Variants in ADGRF5 observed in about 807,000 individuals in gnomAD.
The protein encoded by ADGRF5 is G-protein coupled receptor 116.
In ADGRF5, 75 loss-of-function variants were observed where a neutral mutation model predicts 132.3. The observed-to-expected ratio is 0.57, with a 90% CI of 0.47 to 0.69. The LOEUF is 0.69. Ranked by LOEUF, ADGRF5 falls within the 30% of genes least tolerant of loss-of-function variation. The pLI, the probability that ADGRF5 is intolerant of heterozygous loss-of-function variation, is 0.00. For missense variants in ADGRF5, 1,516 were observed against 1,630.6 expected (o/e 0.93, Z 1.21); for synonymous variants, 629 against 597.6 (o/e 1.05, Z -0.77).
At chr6:46,945,612 T>C (rs1778273935) in intron 1 of ADGRF5, among the ~76,000 whole-genome samples, 1 of 152,230 alleles carries the variant, frequency 6.6e-6, no homozygotes, top group Admixed American at 6.5e-5. Flanking sequence ...GCAAAGCACT[T>C]AGCAGGGAGA....
At position 46,946,578 on chromosome 6, in the gene ADGRF5, T is replaced by C. The variant is rs1659055647; in HGVS notation, c.-25+8156A>G. On this transcript the variant is annotated intron_variant, in intron 1 of 20. Transcript: ENST00000265417. Reference sequence around the variant, plus strand: ...TGAGAAGGATCTAAGCATAATTAAATGCTAACAGGAAAGGGCCAATAAGAG... The same window carrying C: ...TGAGAAGGATCTAAGCATAATTAAACGCTAACAGGAAAGGGCCAATAAGAG... Among the ~76,000 whole-genome samples, 10 of 152,238 alleles carry C rather than the reference T, an allele frequency of 6.6e-5. No individual in the cohort carries two copies. In the South Asian group the frequency reaches 2.1e-3, roughly 32 times the overall value.
chr6:46,934,631 T>C (rs1003556301), intron 1 of ADGRF5, among the ~76,000 whole-genome samples: 4 of 152,196 alleles, frequency 2.6e-5, no homozygotes, highest in African/African-American at 7.2e-5. Context: ...ACAAACACCA[T>C]GCTAACATTG....
intron 1 of ADGRF5, among the ~76,000 whole-genome samples, chr6:46,921,414 G>C (rs754712344): frequency 4.5e-5 from 6 of 132,708 alleles, no homozygotes; most frequent in South Asian, 4.7e-4. Context: ...TTAAGGACGA[G>C]AGAACTTGTT....
In ADGRF5 at chr6:46,852,669, C is replaced by A. The variant is rs1476131040; in HGVS notation, c.*1323G>T. On this transcript the variant is annotated 3_prime_UTR_variant, in exon 21 of 21. Transcript: ENST00000283296. ...AGCACACATGCAGATAATTCACAAA[C>A]AATCAAATCCTTGGGAAAGGCTCTG... 2.6e-5 allele frequency: 4 copies of A among 152,096 alleles called. No homozygotes were observed. Among genetic ancestry groups the A allele is most frequent in the African/African-American group, 7.2e-5 (3 of 41,394 alleles). The allele number at this position is 152,096 out of a possible 1,614,324, so 9.4% of individuals were successfully genotyped here. A position where few individuals can be genotyped will look rare whatever the true frequency, so the allele number is the denominator to read the frequency against.
At chr6:46,941,466 GAAAGA>G (rs138829946) in intron 1 of ADGRF5, among the ~76,000 whole-genome samples, 9 of 28,046 alleles carry the variant, frequency 3.2e-4, no homozygotes, top group South Asian at 9.9e-4. Context: ...GAAAAGAAAA[GAAAGA>G]AAAGAAAAGA....
chr6:46,931,926 T>A (rs1777574543), intron 1 of ADGRF5, among the ~76,000 whole-genome samples: 1 of 152,062 alleles, frequency 6.6e-6, no homozygotes, highest in South Asian at 2.1e-4. Context: ...TCTCAAAAAA[T>A]AAAAATAAAA....
chr6:46,943,392 C>A (rs1372392325), intron 1 of ADGRF5, among the ~76,000 whole-genome samples: 3 of 152,186 alleles, frequency 2.0e-5, no homozygotes, highest in Admixed American at 2.0e-4. Context: ...ATTCACTGGA[C>A]AAATGTTTCT....
chr6:46,880,210 G>C (rs931118329), intron 8 of ADGRF5, among the ~76,000 whole-genome samples, 171 bp from the exon 9 acceptor site: 2 of 152,218 alleles, frequency 1.3e-5, no homozygotes, highest in African/African-American at 4.8e-5. Flanking sequence ...TGGTGTCTGA[G>C]CCCTGAGGAG....
At chr6:46,953,659 A>ATATATATATATATATATATATATATATG (rs1778598401) in intron 1 of ADGRF5, among the ~76,000 whole-genome samples, 1 of 73,676 alleles carries the variant, frequency 1.4e-5, no homozygotes. Context: ...GTGTATATAT[A>ATATATATATATATATATATATATATATG]TATATATATA....
Position 46,858,394 on chromosome 6 carries a change from T to G in ADGRF5, c.3509A>C (p.Lys1170Thr), listed in dbSNP as rs1769306228. 3 of 1,613,958 alleles carry G rather than the reference T, an allele frequency of 1.9e-6. No homozygotes were observed. Among genetic ancestry groups the G allele is most frequent in the African/African-American group, 2.7e-5 (2 of 75,032 alleles). The change falls in exon 17 of 21, where the codon AAG becomes ACG. Residue 1170 changes from lysine to threonine, a missense_variant. Transcript: ENST00000283296. ...NVCWLNWEDT[K>T]ALLAFAIPAL... Reference sequence around the variant, plus strand: ...TGGGATGGCGAAAGCCAGCAGGGCCTTGGTGTCCTCCCAGTTGAGCCAACA... The same window carrying G: ...TGGGATGGCGAAAGCCAGCAGGGCCGTGGTGTCCTCCCAGTTGAGCCAACA...
In ADGRF5 at chr6:46,894,303, C is replaced by T. The variant is rs142650685; in HGVS notation, c.157+5726G>A. On this transcript the variant is annotated intron_variant, in intron 3 of 20. Coordinates refer to ENST00000283296, the MANE Select transcript of ADGRF5 (RefSeq NM_001098518.2). Reference sequence around the variant, plus strand: ...AGATGCAGTGAAGGGATCTCATTCTCTCTTCAGGTTTCAGAAAGATTTGTT... The same window carrying T: ...AGATGCAGTGAAGGGATCTCATTCTTTCTTCAGGTTTCAGAAAGATTTGTT... Among the ~76,000 whole-genome samples the T allele has an allele frequency of 5.4e-4, 82 of 152,332 alleles. No individual in the cohort carries two copies. The East Asian group carries it at 0.015, about 27-fold the overall frequency.
chr6:46,921,291 C>G (rs756228447), intron 1 of ADGRF5, among the ~76,000 whole-genome samples: 1 of 152,246 alleles, frequency 6.6e-6, no homozygotes, highest in Non-Finnish European at 1.5e-5. Context: ...GGGATGCAGC[C>G]TCTTCCTTCC....
intron 12 of ADGRF5, 136 bp from the exon 13 acceptor site, chr6:46,867,273 G>A (rs1770560751): frequency 3.3e-6 from 2 of 600,080 alleles, no homozygotes; most frequent in African/African-American, 1.9e-5. Context: ...CTGGACACTG[G>A]AGGAAAAAAT....
At position 46,862,830 on chromosome 6, in the gene ADGRF5, A is replaced by G. The variant is rs1769944227; in HGVS notation, c.2199+58T>C. On this transcript the variant is annotated intron_variant, in intron 15 of 20. Coordinates refer to ENST00000283296, the MANE Select transcript of ADGRF5 (RefSeq NM_001098518.2). The stretch of plus-strand genomic sequence containing the variant: ...CCCATTTTCCTAAGTGCTGAGAAAT[A>G]TGATCAGCCAGATAGATCGCCCCAC... 6 of 1,139,168 alleles carry G rather than the reference A, an allele frequency of 5.3e-6. No individual in the cohort carries two copies. The South Asian group carries it at 6.3e-5, about 12-fold the overall frequency. The allele number at this position is 1,139,168 out of a possible 1,614,324, so 70.6% of individuals were successfully genotyped here.
rs757352384 is a variant in ADGRF5, at chr6:46,869,011, T to C, written c.1493A>G (p.Asn498Ser). The C allele has an allele frequency of 6.2e-7, 1 of 1,613,184 alleles. No homozygotes were observed. The highest frequency in any genetic ancestry group is 8.5e-7 in the Non-Finnish European group (1 of 1,179,148). ...AGTGTTCCAATAAACCTCATCATAG[T>C]TACTCACATCACTGATGCATTTTAT... ...FSIKCISDVS[N>S]YDEVYWNTSA... The change falls in exon 12 of 21, where the codon AAC becomes AGC. Residue 498 changes from asparagine to serine, a missense_variant. Around this residue, in one of 2 missense-constraint regions of ADGRF5, gnomAD observed 945 missense variants for 929.4 expected, o/e 1.02. Transcript: ENST00000283296.
chr6:46,941,387 C>A (rs188781842), intron 1 of ADGRF5, among the ~76,000 whole-genome samples: 1 of 83,116 alleles, frequency 1.2e-5, no homozygotes, highest in Non-Finnish European at 2.4e-5. Flanking sequence ...AAGAAAGAAA[C>A]AAAGAAAAGA....
In ADGRF5 at chr6:46,865,071, C is replaced by A; in HGVS notation, c.1961G>T (p.Ser654Ile). ...FTNAANNSVW[S>I]PSMKLNLVPG... ...AACCAGATTCAGCTTCATAGATGGG[C>A]TCCAGACTGAATTATTAGCAGCATT... The change falls in exon 14 of 21, where the codon AGC (serine) becomes ATC (isoleucine). Residue 654 changes from serine (S) to isoleucine (I), a missense_variant. Ser to Ile is a moderately radical substitution (Grantham distance 142). Around this residue, in one of 2 missense-constraint regions of ADGRF5, gnomAD observed 945 missense variants for 929.4 expected, o/e 1.02. Coordinates refer to ENST00000283296, the MANE Select transcript of ADGRF5 (RefSeq NM_001098518.2). The A allele has an allele frequency of 1.9e-6, 3 of 1,611,036 alleles. No homozygotes were observed. The highest frequency in any genetic ancestry group is 2.5e-6 in the Non-Finnish European group (3 of 1,177,556).
chr6:46,877,515 T>A (rs1440256361), intron 10 of ADGRF5, among the ~76,000 whole-genome samples: 2 of 151,942 alleles, frequency 1.3e-5, no homozygotes, highest in Non-Finnish European at 2.9e-5. Flanking sequence ...AGTAACATAT[T>A]TTTTAAAGGG....
In ADGRF5 at chr6:46,882,034, T is replaced by C. The variant is rs187162379; in HGVS notation, c.671+15A>G. 6.3e-7 allele frequency: 1 copy of C among 1,575,788 alleles called. No homozygotes were observed. The highest frequency in any genetic ancestry group is 8.7e-7 in the Non-Finnish European group (1 of 1,145,206). ...CAGCCATAAATTAGAAATGATCAAA[T>C]TAAAGTATTCTTACTTGAACCCTGT... On this transcript the variant is annotated intron_variant, in intron 7 of 20. Transcript: ENST00000283296.
Sources: allele counts gnomAD v4.1 joint callset (sites outside exome capture counted in the v4.1 genomes callset), GRCh38; gene constraint gnomAD v4.1.1; regional missense constraint gnomAD v4.1.1; transcripts MANE v1.5; gene names NCBI Gene and HGNC (gene_info 2026-07-23, HGNC 2026-07-21).